Variants in CECR2 observed in about 807,000 individuals in gnomAD.
The protein encoded by CECR2 is chromatin remodeling regulator CECR2.
In CECR2, 30 loss-of-function variants were observed where a neutral mutation model predicts 154.5. The observed-to-expected ratio is 0.19, with a 90% confidence interval of 0.15 to 0.26. CECR2 has a LOEUF of 0.26. Among genes scored for constraint, CECR2 ranks in the 10% least tolerant of loss-of-function variants. The pLI is 1.00. For missense variants in CECR2, 1,743 were observed against 1,829.3 expected (o/e 0.95, Z 0.86); for synonymous variants, 725 against 683.7 (o/e 1.06, Z -0.94).
rs140628454 is a variant in CECR2 at position 17,410,723 on chromosome 22, G to C, written c.126+40814G>C. 4.6e-5 allele frequency among the ~76,000 whole-genome samples: 7 copies of C among 152,286 alleles called. No homozygotes were observed. The East Asian group carries it at 1.4e-3, about 29-fold the overall frequency. ...TCCCAAACTGCTGGGTAATATTACA[G>C]GCATGAGTCACCACGCCTGGCCAAA... On this transcript the variant is annotated intron_variant, in intron 1 of 18. Coordinates refer to ENST00000262608, the MANE Select transcript of CECR2 (RefSeq NM_001290047.2).
chr22:17,399,603 A>T (rs1486085996), intron 1 of CECR2, among the ~76,000 whole-genome samples: 1 of 151,990 alleles, frequency 6.6e-6, no homozygotes, highest in African/African-American at 2.4e-5. Context: ...TTTTTAGTAG[A>T]GACGGGGTTT....
intron 8 of CECR2, among the ~76,000 whole-genome samples, chr22:17,523,243 C>T (rs186414200): frequency 1.1e-4 from 17 of 151,734 alleles, no homozygotes; most frequent in Non-Finnish European, 2.2e-4. Context: ...ATTAGCTGGG[C>T]GTGGTCGCAG....
At chr22:17,489,763 A>G (rs1199109794) in intron 2 of CECR2, among the ~76,000 whole-genome samples, 1 of 152,152 alleles carries the variant, frequency 6.6e-6, no homozygotes, top group Non-Finnish European at 1.5e-5. Context: ...AGGCCTTATC[A>G]ACTTTTTAAA....
At chr22:17,414,456 C>CTT (rs1189863394) in intron 1 of CECR2, among the ~76,000 whole-genome samples, 1,214 of 118,124 alleles carry the variant, frequency 0.01, 19 homozygotes, top group African/African-American at 0.032. Context: ...TTTCTTTTTT[C>CTT]TTTTTTTTTT....
At chr22:17,379,941 A>G (rs965657084) in intron 1 of CECR2, among the ~76,000 whole-genome samples, 1 of 152,168 alleles carries the variant, frequency 6.6e-6, no homozygotes, top group African/African-American at 2.4e-5. Context: ...GATGTTTTTC[A>G]TTGAATGTCC....
At chr22:17,551,469 G>C (rs577691072) in intron 17 of CECR2, among the ~76,000 whole-genome samples, 290 of 152,266 alleles carry the variant, frequency 1.9e-3, no homozygotes, top group African/African-American at 6.8e-3. Flanking sequence ...AGTTATCATG[G>C]AGAGTGTTCC....
At chr22:17,391,075 A>C (rs958165879) in intron 1 of CECR2, among the ~76,000 whole-genome samples, 1 of 152,214 alleles carries the variant, frequency 6.6e-6, no homozygotes, top group African/African-American at 2.4e-5. Flanking sequence ...CTGTGTCATG[A>C]GAGTCTACCC....
intron 16 of CECR2, among the ~76,000 whole-genome samples, chr22:17,547,037 T>TAAA (rs2056625007): frequency 3.2e-5 from 2 of 62,766 alleles, no homozygotes; most frequent in African/African-American, 1.6e-4. Context: ...AGACTCTGCC[T>TAAA]CAAAAAAAAA....
intron 1 of CECR2, among the ~76,000 whole-genome samples, chr22:17,462,653 C>T (rs567969376): frequency 6.6e-6 from 1 of 152,244 alleles, no homozygotes; most frequent in South Asian, 2.1e-4. Flanking sequence ...CAGTGGCTCA[C>T]GCCTGTAATC....
At chr22:17,465,519 C>T (rs535742725) in intron 1 of CECR2, among the ~76,000 whole-genome samples, 40 of 151,676 alleles carry the variant, frequency 2.6e-4, no homozygotes, top group African/African-American at 9.0e-4. Flanking sequence ...GAGTCTTGCT[C>T]TGTCACCCAG....
intron 8 of CECR2, among the ~76,000 whole-genome samples, chr22:17,514,299 G>T (rs2056012338): frequency 6.6e-6 from 1 of 152,160 alleles, no homozygotes; most frequent in South Asian, 2.1e-4. Flanking sequence ...GCTAACGGGA[G>T]CAAGGGTGCC....
chr22:17,368,165 TATC>T (rs1380681038), upstream of CECR2, among the ~76,000 whole-genome samples: 5 of 151,810 alleles, frequency 3.3e-5, no homozygotes, highest in Admixed American at 1.3e-4. Flanking sequence ...AACAAGTTAT[TATC>T]ATAATAAAGT....
chr22:17,549,861 A>C (rs1296800), intron 17 of CECR2, among the ~76,000 whole-genome samples: 19,647 of 148,050 alleles, frequency 0.13, 1,717 homozygotes, highest in Non-Finnish European at 0.19. Context: ...CCTGAGCGCA[A>C]GTCATCCTCC....
At chr22:17,404,523 G>T (rs573385738) in intron 1 of CECR2, among the ~76,000 whole-genome samples, 1 of 140,368 alleles carries the variant, frequency 7.1e-6, no homozygotes. Flanking sequence ...ACAGGCGCCC[G>T]CCACTACGCC....
rs572712907 is a variant in CECR2 at position 17,481,049 on chromosome 22, T to TAAAAAAAAAAAAAAAAAAA, written c.221+3379_221+3380insAAAAAAAAAAAAAAAAAAA. 4.0e-4 allele frequency among the ~76,000 whole-genome samples: 37 copies of TAAAAAAAAAAAAAAAAAAA among 92,068 alleles called. 3 individuals carry two copies. The highest frequency in any genetic ancestry group is 6.2e-4 in the Non-Finnish European group (26 of 41,710). The allele number at this position is 92,068 out of a possible 152,430, so 60.4% of individuals were successfully genotyped here. On this transcript the variant is annotated intron_variant, in intron 2 of 18. Coordinates refer to ENST00000262608, the MANE Select transcript of CECR2 (RefSeq NM_001290047.2). ...AGTGAGACTCCATCTCTTTTTTTTT[T>TAAAAAAAAAAAAAAAAAAA]AAAAAAAAAAAAGGCCGGGCACGGT...
At chr22:17,530,257 G>A (rs1356259067) in intron 9 of CECR2, among the ~76,000 whole-genome samples, 5 of 151,316 alleles carry the variant, frequency 3.3e-5, no homozygotes, top group East Asian at 1.9e-4. Flanking sequence ...ACGGAGTGTC[G>A]CTCTGTCGCC....
chr22:17,360,135 G>C (rs956114701), intron 1 of CECR2: 9 of 152,240 alleles, frequency 5.9e-5, no homozygotes, highest in African/African-American at 2.2e-4. Flanking sequence ...TCACTGAAAA[G>C]TGGAGAAACT....
In CECR2 at chr22:17,419,111, C is replaced by T. The variant is rs188251012; in HGVS notation, c.126+49202C>T. The T allele has an allele frequency of 2.8e-3, 440 of 154,848 alleles. 12 individuals are homozygous for T. The highest frequency in any genetic ancestry group is 0.026 in the Admixed American group (399 of 15,416). 9.6% of individuals were successfully genotyped at this position (154,848 alleles called of 1,614,324 possible). A position where few individuals can be genotyped will look rare whatever the true frequency, so the allele number is the denominator to read the frequency against. On this transcript the variant is annotated intron_variant, in intron 1 of 18. Transcript: ENST00000262608. ...AAAATGGCTGCTCGCCCAGCTCCAT[C>T]ACCAGCAGCGGCTTGTGGACAACTC... is the stretch of plus-strand genomic sequence containing the variant.
At chr22:17,506,575 C>T (rs966544846) in intron 7 of CECR2, among the ~76,000 whole-genome samples, 9 of 152,176 alleles carry the variant, frequency 5.9e-5, no homozygotes, top group African/African-American at 2.2e-4. Flanking sequence ...TGAGTTCAGG[C>T]TTCTTCATCT....
Sources: allele counts gnomAD v4.1 joint callset (sites outside exome capture counted in the v4.1 genomes callset), GRCh38; gene constraint gnomAD v4.1.1; transcripts MANE v1.5; gene names NCBI Gene and HGNC (gene_info 2026-07-23, HGNC 2026-07-21).